PECR: variants seen among roughly 807,000 people sequenced by gnomAD.
PECR encodes the protein 2,4-dienoyl-CoA reductase-related protein.
In PECR, 30 loss-of-function variants were observed where a neutral mutation model predicts 35.3. The ratio of observed to expected loss-of-function variants is 0.85; its 90% CI spans 0.64 to 1.15. PECR has a LOEUF of 1.15. Ranked by LOEUF, PECR falls within the 50% of genes most tolerant of loss-of-function variation. PECR has a pLI of 0.00. For synonymous variants in PECR, 148 were observed against 138.9 expected (o/e 1.07, Z -0.46); for missense variants, 392 against 370.8 (o/e 1.06, Z -0.47).
chr2:216,030,213 T>C (rs7592559), intron 7 of PECR, among the ~76,000 whole-genome samples: 20,813 of 152,250 alleles, frequency 0.14, 1,751 homozygotes, highest in South Asian at 0.22. Flanking sequence ...CTATTCTCTT[T>C]AGCCTGTGTT....
intron 7 of PECR, among the ~76,000 whole-genome samples, chr2:216,031,004 T>G: frequency 6.9e-6 from 1 of 145,006 alleles, no homozygotes; most frequent in Non-Finnish European, 1.5e-5. Flanking sequence ...ACTCTGTCCC[T>G]GCTCTCTCTC....
In PECR at chr2:216,081,706, C is replaced by CG; in HGVS notation, c.35dup (p.Pro13AlafsTer32). 2 of 1,613,572 alleles carry CG rather than the reference C, an allele frequency of 1.2e-6. No homozygotes were observed. Among genetic ancestry groups the CG allele is most frequent in the Non-Finnish European group, 1.7e-6 (2 of 1,179,918 alleles). ...CCACTTGGCCCTGCAGCAAACCAGG[C>CG]GCCAGGTAGCTCCTGCCCTTAGCCC... On this transcript the variant is annotated frameshift_variant, in exon 1 of 8. Transcript: ENST00000265322. LOFTEE classifies it high-confidence loss of function.
chr2:216,046,306 A>T (rs1170240669), intron 6 of PECR, among the ~76,000 whole-genome samples: 191 of 115,390 alleles, frequency 1.7e-3, no homozygotes, highest in African/African-American at 7.2e-3. Flanking sequence ...ATATATATAT[A>T]TATATTTTTT....
chr2:216,075,793 GT>G (rs1353817001), intron 1 of PECR, among the ~76,000 whole-genome samples: 2 of 152,106 alleles, frequency 1.3e-5, no homozygotes, highest in African/African-American at 4.8e-5. Flanking sequence ...TTGGTCCCTG[GT>G]GTTGGTAACA....
chr2:216,064,910 C>T (rs1574698505), intron 3 of PECR, among the ~76,000 whole-genome samples: 1 of 152,250 alleles, frequency 6.6e-6, no homozygotes, highest in East Asian at 1.9e-4. Context: ...TGTATGCATG[C>T]TAATTAGTTG....
At chr2:216,074,442 AAAAG>A (rs1456830522) in intron 1 of PECR, among the ~76,000 whole-genome samples, 97 of 122,888 alleles carry the variant, frequency 7.9e-4, no homozygotes, top group Non-Finnish European at 1.2e-3. Context: ...GAAAGAAAGA[AAAAG>A]AAAGAAAAGA....
intron 7 of PECR, among the ~76,000 whole-genome samples, chr2:216,043,014 T>C (rs1270567660): frequency 1.4e-5 from 2 of 147,242 alleles, no homozygotes; most frequent in African/African-American, 5.0e-5. Context: ...TGTATATATA[T>C]ATACACATAC....
At chr2:216,054,273 G>C (rs1384290560) in intron 4 of PECR, among the ~76,000 whole-genome samples, 2 of 146,224 alleles carry the variant, frequency 1.4e-5, no homozygotes, top group African/African-American at 5.0e-5. Flanking sequence ...GGCAACAAGA[G>C]TGAAACTCCA....
chr2:216,033,289 A>G (rs1300341537), intron 7 of PECR, among the ~76,000 whole-genome samples: 1 of 152,154 alleles, frequency 6.6e-6, no homozygotes, highest in Non-Finnish European at 1.5e-5. Context: ...TTTCTTAAAT[A>G]AAAAATAATA....
chr2:216,066,362 T>C (rs1344533332), intron 2 of PECR, 23 bp downstream of exon 2: 16 of 1,597,946 alleles, frequency 1.0e-5, no homozygotes, highest in Non-Finnish European at 1.4e-5. Flanking sequence ...AATGAATAAA[T>C]GATACAGATA....
At chr2:216,068,010 T>C (rs934783951) in intron 1 of PECR, among the ~76,000 whole-genome samples, 6 of 151,534 alleles carry the variant, frequency 4.0e-5, no homozygotes, top group Admixed American at 2.0e-4. Flanking sequence ...GGGCCGATCA[T>C]GAGGTCAGGA....
chr2:216,036,666 A>T (rs921324636), downstream of PECR, among the ~76,000 whole-genome samples: 6 of 152,182 alleles, frequency 3.9e-5, no homozygotes, highest in Non-Finnish European at 8.8e-5. Flanking sequence ...CCTCCTGCCC[A>T]ATCCTCTCTC....
intron 6 of PECR, among the ~76,000 whole-genome samples, chr2:216,047,261 G>GGAA (rs1553560715): frequency 7.0e-6 from 1 of 142,386 alleles, no homozygotes. Context: ...TTCGTCTCAG[G>GGAA]AAAAAAAAAA....
chr2:216,059,476 T>G (rs1695292736), intron 3 of PECR, among the ~76,000 whole-genome samples: 1 of 152,244 alleles, frequency 6.6e-6, no homozygotes, highest in Admixed American at 6.5e-5. Context: ...ATGCCATGTT[T>G]TATTTATCCA....
At chr2:216,063,107 T>A (rs947657603) in intron 3 of PECR, among the ~76,000 whole-genome samples, 2 of 152,232 alleles carry the variant, frequency 1.3e-5, no homozygotes, top group Admixed American at 1.3e-4. Flanking sequence ...TACTTTTTTT[T>A]AACAGAAATG....
chr2:216,077,491 A>G (rs1304228750), intron 1 of PECR, among the ~76,000 whole-genome samples: 1 of 144,062 alleles, frequency 6.9e-6, no homozygotes, highest in African/African-American at 2.6e-5. Flanking sequence ...TGGGTGACAG[A>G]GCAAGACCTC....
chr2:216,035,826 G>A (rs1694785514), downstream of PECR, among the ~76,000 whole-genome samples: 1 of 152,100 alleles, frequency 6.6e-6, no homozygotes, highest in Non-Finnish European at 1.5e-5. Context: ...TCCTAGTGGT[G>A]CAGGCTACTC....
chr2:216,044,490 G>A (rs1694954772), intron 6 of PECR, among the ~76,000 whole-genome samples: 1 of 152,174 alleles, frequency 6.6e-6, no homozygotes, highest in South Asian at 2.1e-4. Context: ...CTGCGGTCCT[G>A]TCAGGCCAAA....
intron 7 of PECR, 128 bp from the exon 8 acceptor site, chr2:216,039,488 C>T (rs1559206575): frequency 7.2e-6 from 5 of 697,916 alleles, no homozygotes; most frequent in Non-Finnish European, 1.3e-5. Context: ...ATCCTTAGGG[C>T]AAACATTTGA....
Sources: allele counts gnomAD v4.1 joint callset (sites outside exome capture counted in the v4.1 genomes callset), GRCh38; gene constraint gnomAD v4.1.1; transcripts MANE v1.5; gene names NCBI Gene and HGNC (gene_info 2026-07-23, HGNC 2026-07-21).